The following ITGA2 variants were observed in gnomAD, a reference collection of about 807,000 sequenced individuals.
ITGA2 encodes integrin subunit alpha 2, also known as integrin alpha-2.
Under a neutral mutation model 146.3 loss-of-function variants are expected in ITGA2, and 101 were observed. That is an observed-to-expected ratio of 0.69 (90% CI 0.59 to 0.81). ITGA2 has a LOEUF of 0.81. Ranked by LOEUF, ITGA2 falls within the 40% of genes least tolerant of loss-of-function variation. The pLI is 0.00. For missense variants in ITGA2, 1,281 were observed against 1,402.7 expected, an observed-to-expected ratio of 0.91 and a Z score of 1.39; for synonymous variants, 477 against 487.1, an observed-to-expected ratio of 0.98 and a Z score of 0.27.
In ITGA2 at chr5:53,094,509, T is replaced by C. The variant is rs1740603969; in HGVS notation, c.*3910T>C. ...TAATAGATAAGTCTTTTTTCAAATG[T>C]GGTGTTTGATGTTTTTGATTAAATG... On this transcript the variant is annotated 3_prime_UTR_variant, in exon 30 of 30. Coordinates refer to ENST00000296585, the MANE Select transcript of ITGA2 (RefSeq NM_002203.4). 1 of 152,182 alleles carries C rather than the reference T, an allele frequency of 6.6e-6. No homozygotes were observed. The highest frequency in any genetic ancestry group is 2.1e-4 in the South Asian group (1 of 4,838). 9.4% of individuals were successfully genotyped at this position (152,182 alleles called of 1,614,324 possible).
intron 4 of ITGA2, among the ~76,000 whole-genome samples, chr5:53,047,498 T>G (rs1744149376): frequency 6.6e-6 from 1 of 152,208 alleles, no homozygotes; most frequent in African/African-American, 2.4e-5. Flanking sequence ...CCATTCAGCG[T>G]TAGTGACTGC....
At chr5:53,070,924 A>G (rs1397770018) in intron 17 of ITGA2, among the ~76,000 whole-genome samples, 2 of 151,920 alleles carry the variant, frequency 1.3e-5, no homozygotes, top group African/African-American at 4.8e-5. Flanking sequence ...CTTTCTTAGA[A>G]TACAGTTCTC....
intron 4 of ITGA2, 32 bp downstream of exon 4, chr5:53,045,124 C>T (rs1744012744): frequency 2.7e-6 from 4 of 1,497,350 alleles, no homozygotes; most frequent in Non-Finnish European, 3.7e-6. Flanking sequence ...CATTATTCCT[C>T]TCAAGAAAGT....
chr5:53,047,586 T>A (rs1190185181), intron 4 of ITGA2, among the ~76,000 whole-genome samples: 1 of 152,168 alleles, frequency 6.6e-6, no homozygotes, highest in African/African-American at 2.4e-5. Flanking sequence ...TATGGAGTAA[T>A]TTTGAACTGA....
chr5:53,088,572 G>C (rs1003664621), intron 28 of ITGA2, among the ~76,000 whole-genome samples: 17 of 151,562 alleles, frequency 1.1e-4, no homozygotes, highest in Admixed American at 9.2e-4. Context: ...TGGAATCCCA[G>C]CTACTCAGGA....
Position 53,094,150 on chromosome 5 carries a change from G to A in ITGA2, c.*3551G>A, listed in dbSNP as rs1443406660. The A allele has an allele frequency of 6.9e-6, 1 of 145,188 alleles. No individual in the cohort carries two copies. Among genetic ancestry groups the A allele is most frequent in the Admixed American group, 7.0e-5 (1 of 14,298 alleles). 9.0% of individuals were successfully genotyped at this position (145,188 alleles called of 1,614,324 possible). On this transcript the variant is annotated 3_prime_UTR_variant, in exon 30 of 30. Transcript: ENST00000296585. ...TACAGAAGGCAGGATTCCTTAAACTGAGATCCCTGATCCATCTTTAATATT... is the reference window on the plus strand; with the variant it reads ...TACAGAAGGCAGGATTCCTTAAACTAAGATCCCTGATCCATCTTTAATATT...
At chr5:53,084,546 G>C (rs1487771526) in intron 27 of ITGA2, among the ~76,000 whole-genome samples, 1 of 152,162 alleles carries the variant, frequency 6.6e-6, no homozygotes, top group Non-Finnish European at 1.5e-5. Flanking sequence ...TGGGGGAATG[G>C]GGAAGTGAGG....
intron 1 of ITGA2, among the ~76,000 whole-genome samples, chr5:52,998,863 G>C (rs1000436110): frequency 6.6e-6 from 1 of 152,178 alleles, no homozygotes; most frequent in Non-Finnish European, 1.5e-5. Context: ...CACACTTTCT[G>C]AATGAAGGCC....
In ITGA2 at chr5:53,090,703, G is replaced by A. The variant is rs1740372666; in HGVS notation, c.*104G>A. 1.4e-5 allele frequency: 10 copies of A among 712,164 alleles called. No homozygotes were observed. The highest frequency in any genetic ancestry group is 4.6e-5 in the East Asian group (1 of 21,666). 44.1% of individuals were successfully genotyped at this position (712,164 alleles called of 1,614,324 possible). Reference sequence around the variant, plus strand: ...AATCCCATATTTTTTTTATCATGTCGTAGGTAAACTAACCTGGTATTTTAA... The same window carrying A: ...AATCCCATATTTTTTTTATCATGTCATAGGTAAACTAACCTGGTATTTTAA... On this transcript the variant is annotated 3_prime_UTR_variant, in exon 30 of 30. Transcript: ENST00000296585.
intron 15 of ITGA2, 133 bp downstream of exon 15, chr5:53,066,110 T>G (rs985096223): frequency 1.1e-6 from 1 of 875,522 alleles, no homozygotes; most frequent in South Asian, 1.4e-5. Flanking sequence ...TATCATAGTT[T>G]GCACAAAGGA....
chr5:53,005,583 A>G (rs1398839005), intron 1 of ITGA2, among the ~76,000 whole-genome samples: 1 of 147,098 alleles, frequency 6.8e-6, no homozygotes, highest in African/African-American at 2.5e-5. Flanking sequence ...TCTGTGTCAA[A>G]AAAAAAAAAA....
Position 53,092,008 on chromosome 5 carries a change from G to A in ITGA2, c.*1409G>A, listed in dbSNP as rs1384191038. 6.6e-6 allele frequency: 1 copy of A among 152,170 alleles called. No individual in the cohort carries two copies. The highest frequency in any genetic ancestry group is 1.5e-5 in the Non-Finnish European group (1 of 68,034). The allele number at this position is 152,170 out of a possible 1,614,324, so 9.4% of individuals were successfully genotyped here. On this transcript the variant is annotated 3_prime_UTR_variant, in exon 30 of 30. Transcript: ENST00000296585. ...TTGTTCAAAAGGTAGATCCTGAGAT[G>A]ATTTGGTCAGATTGGGATAAGGCCC... is the stretch of plus-strand genomic sequence containing the variant.
intron 1 of ITGA2, among the ~76,000 whole-genome samples, chr5:52,994,496 T>C (rs1741132987): frequency 6.6e-6 from 1 of 152,230 alleles, no homozygotes. Context: ...GGGTGACTTA[T>C]GGGAAAAGAA....
intron 2 of ITGA2, among the ~76,000 whole-genome samples, chr5:53,029,431 C>T (rs948139202): frequency 6.6e-6 from 1 of 152,162 alleles, no homozygotes; most frequent in Non-Finnish European, 1.5e-5. Flanking sequence ...CTTGAACATG[C>T]CTAGCTCATT....
At chr5:53,078,960 A>C in intron 24 of ITGA2, 86 bp downstream of exon 24, 1 of 786,340 alleles carries the variant, frequency 1.3e-6, no homozygotes, top group East Asian at 2.6e-5. Context: ...AGAAAGTAAA[A>C]AGAAATTGAA....
At chr5:53,040,729 T>C (rs1360074511) in intron 2 of ITGA2, among the ~76,000 whole-genome samples, 2 of 152,178 alleles carry the variant, frequency 1.3e-5, no homozygotes, top group African/African-American at 4.8e-5. Context: ...TTTTATAAGA[T>C]GAACGAGGAG....
intron 1 of ITGA2, among the ~76,000 whole-genome samples, chr5:53,024,919 T>C (rs6450106): frequency 0.5 from 75,362 of 152,000 alleles, 19,596 homozygotes; most frequent in Non-Finnish European, 0.58. Flanking sequence ...TAATAATATA[T>C]ATCTATGCAT....
intron 1 of ITGA2, among the ~76,000 whole-genome samples, chr5:52,997,563 G>A (rs1406482101): frequency 1.3e-5 from 2 of 152,194 alleles, no homozygotes; most frequent in Admixed American, 6.5e-5. Flanking sequence ...ACCGATGGAC[G>A]CCTTGAACAT....
At position 53,026,742 on chromosome 5, in the gene ITGA2, T is replaced by G. The variant is rs765853484; in HGVS notation, c.65-6T>G. 5 of 1,606,436 alleles carry G rather than the reference T, an allele frequency of 3.1e-6. No individual in the cohort carries two copies. The East Asian group carries it at 1.1e-4, about 36-fold the overall frequency. ...AATATGTGCTATTTCATATTTTTCTTAATAGGCATTTTAAATTGTTGTTTG... is the reference window on the plus strand; with the variant it reads ...AATATGTGCTATTTCATATTTTTCTGAATAGGCATTTTAAATTGTTGTTTG... On this transcript the variant is annotated splice_region_variant and splice_polypyrimidine_tract_variant and intron_variant, in intron 1 of 29. Transcript: ENST00000296585.
Sources: allele counts gnomAD v4.1 joint callset (sites outside exome capture counted in the v4.1 genomes callset), GRCh38; gene constraint gnomAD v4.1.1; transcripts MANE v1.5; gene names NCBI Gene and HGNC (gene_info 2026-07-23, HGNC 2026-07-21).